BRD10: variants seen among roughly 807,000 people sequenced by gnomAD.
BRD10 encodes the protein uncharacterized bromodomain-containing protein 10.
At chr9:5,924,733 G>C in the BRD10 span, 2 of 1,606,718 alleles carry the variant, frequency 1.2e-6, no homozygotes, top group Non-Finnish European at 1.7e-6. Flanking sequence ...TCTCCCTTAG[G>C]AGAGTCTTTT....
chr9:5,917,843 C>A, the BRD10 span, among the ~76,000 whole-genome samples: 1 of 152,066 alleles, frequency 6.6e-6, no homozygotes, highest in Non-Finnish European at 1.5e-5. Context: ...ACAGAGAAGA[C>A]CCCGTCTCAA....
chr9:5,882,047 T>C, the BRD10 span, among the ~76,000 whole-genome samples: 39 of 152,310 alleles, frequency 2.6e-4, no homozygotes, highest in Non-Finnish European at 4.9e-4. Flanking sequence ...CAACCTTCCA[T>C]AGTCTCCTGC....
At chr9:5,931,904 T>C in the BRD10 span, among the ~76,000 whole-genome samples, 1 of 152,166 alleles carries the variant, frequency 6.6e-6, no homozygotes, top group South Asian at 2.1e-4. Flanking sequence ...GGGATTGCTA[T>C]TTGAGGTAAG....
chr9:5,883,133 A>G, the BRD10 span, among the ~76,000 whole-genome samples: 1 of 150,494 alleles, frequency 6.6e-6, no homozygotes, highest in Non-Finnish European at 1.5e-5. Context: ...CGCTGTGCAC[A>G]TGTACCCTAG....
the BRD10 span, among the ~76,000 whole-genome samples, chr9:5,915,586 C>T: frequency 6.6e-6 from 1 of 152,284 alleles, no homozygotes; most frequent in East Asian, 1.9e-4. Context: ...GCTGTGTTCC[C>T]TACATGCTCC....
At chr9:5,900,965 A>T in the BRD10 span, among the ~76,000 whole-genome samples, 1 of 152,014 alleles carries the variant, frequency 6.6e-6, no homozygotes, top group South Asian at 2.1e-4. Flanking sequence ...CCTGCACTGG[A>T]ATACTTTGGG....
At chr9:5,978,451 A>C in the BRD10 span, among the ~76,000 whole-genome samples, 1 of 151,918 alleles carries the variant, frequency 6.6e-6, no homozygotes. Context: ...AATTGATGGC[A>C]TGAAAAAGGG....
chr9:5,906,527 G>T, the BRD10 span, among the ~76,000 whole-genome samples: 1 of 152,140 alleles, frequency 6.6e-6, no homozygotes, highest in Non-Finnish European at 1.5e-5. Context: ...GCTTGACAAA[G>T]TCTTTATTTC....
At chr9:6,002,758 T>C in the BRD10 span, among the ~76,000 whole-genome samples, 1 of 150,812 alleles carries the variant, frequency 6.6e-6, no homozygotes, top group South Asian at 2.1e-4. Context: ...CTCACCGCAA[T>C]CTCCATCTTC....
chr9:5,971,052 C>CAAAAAAAAAAAAAAAAAAAAAAAAAAAAA, the BRD10 span, among the ~76,000 whole-genome samples: 3 of 43,198 alleles, frequency 6.9e-5, 1 homozygote, highest in African/African-American at 7.8e-5. Flanking sequence ...AGCAACGTCT[C>CAAAAAAAAAAAAAAAAAAAAAAAAAAAAA]AAAAAAAAAA....
At chr9:5,947,572 T>C in the BRD10 span, among the ~76,000 whole-genome samples, 2 of 152,160 alleles carry the variant, frequency 1.3e-5, no homozygotes, top group Middle Eastern at 3.4e-3. Context: ...CTTTATATAT[T>C]AAAACTAATA....
the BRD10 span, among the ~76,000 whole-genome samples, chr9:5,976,584 T>C: frequency 6.6e-6 from 1 of 152,216 alleles, no homozygotes; most frequent in Non-Finnish European, 1.5e-5. Flanking sequence ...CATCTCAGAC[T>C]GTAAGTCTAG....
At chr9:5,956,754 C>A in the BRD10 span, among the ~76,000 whole-genome samples, 1 of 152,158 alleles carries the variant, frequency 6.6e-6, no homozygotes, top group Non-Finnish European at 1.5e-5. Context: ...TACCACTCTA[C>A]TTTGTACACA....
At chr9:6,007,991 AG>A in the BRD10 span, 13 of 1,275,464 alleles carry the variant, frequency 1.0e-5, no homozygotes, top group African/African-American at 1.9e-4. Context: ...ATGGCGCGCG[AG>A]GAGGGGGGAG....
the BRD10 span, among the ~76,000 whole-genome samples, chr9:6,006,447 T>C: frequency 6.6e-6 from 1 of 152,246 alleles, no homozygotes; most frequent in Non-Finnish European, 1.5e-5. Flanking sequence ...ACACAGACTA[T>C]ACAATTATTA....
chr9:5,973,339 C>T, the BRD10 span, among the ~76,000 whole-genome samples: 89 of 152,178 alleles, frequency 5.8e-4, no homozygotes, highest in East Asian at 0.012. Context: ...TAGTGGTACA[C>T]GCCTGCAATC....
the BRD10 span, among the ~76,000 whole-genome samples, chr9:5,994,741 T>C: frequency 6.6e-6 from 1 of 152,156 alleles, no homozygotes; most frequent in African/African-American, 2.4e-5. Flanking sequence ...TTCACTCCTA[T>C]ACTTCTCCTA....
chr9:5,914,986 A>G, the BRD10 span, among the ~76,000 whole-genome samples: 1 of 152,180 alleles, frequency 6.6e-6, no homozygotes, highest in African/African-American at 2.4e-5. Flanking sequence ...CGCCAAGCCC[A>G]ACAAACAAAA....
chr9:6,007,970 G>C, the BRD10 span: 1 of 1,297,506 alleles, frequency 7.7e-7, no homozygotes. Context: ...CCGCCGGCGG[G>C]GCGGGGTTAC....
Sources: gnomAD v4.1 joint callset for allele counts (sites outside exome capture counted in the v4.1 genomes callset) on GRCh38, gnomAD v4.1.1 for gene constraint, MANE v1.5 for transcripts, NCBI Gene and HGNC (gene_info 2026-07-23, HGNC 2026-07-21) for gene names.